PLCG2: variants seen among roughly 807,000 people sequenced by gnomAD.
PLCG2 encodes 1-phosphatidylinositol 4,5-bisphosphate phosphodiesterase gamma-2.
In PLCG2, 69 loss-of-function variants were observed where a neutral mutation model predicts 175.6. The observed-to-expected ratio is 0.39, with a 90% confidence interval of 0.32 to 0.48. PLCG2 has a LOEUF of 0.48. PLCG2 is among the 20% of genes least tolerant of loss of function. The pLI is 0.91. For synonymous variants in PLCG2, 827 were observed against 624.0 expected, an observed-to-expected ratio of 1.33 and a Z score of -4.85; for missense variants, 1,798 against 1,650.9, an observed-to-expected ratio of 1.09 and a Z score of -1.54.
At chr16:81,926,098 G>T (rs1910261465) in intron 22 of PLCG2, among the ~76,000 whole-genome samples, 1 of 151,084 alleles carries the variant, frequency 6.6e-6, no homozygotes, top group Non-Finnish European at 1.5e-5. Context: ...GTGGGGGGAA[G>T]TTGGGTACCA....
chr16:81,929,869 C>T (rs1385605411), intron 24 of PLCG2, among the ~76,000 whole-genome samples: 1 of 152,268 alleles, frequency 6.6e-6, no homozygotes. Context: ...GCATCCACTT[C>T]TGGTGCTCTT....
chr16:81,907,611 C>T (rs1909431475), intron 15 of PLCG2, 74 bp from the exon 16 acceptor site: 2 of 1,045,122 alleles, frequency 1.9e-6, no homozygotes, highest in Non-Finnish European at 3.0e-6. Context: ...GGGTGACGCC[C>T]TGCAGGGCTC....
intron 2 of PLCG2, among the ~76,000 whole-genome samples, chr16:81,769,276 G>C (rs1220993627): frequency 6.6e-6 from 1 of 152,212 alleles, no homozygotes; most frequent in Non-Finnish European, 1.5e-5. Context: ...TGCCCAGACT[G>C]CTTCTACCTC....
At chr16:81,845,515 C>G (rs1328592404) in intron 2 of PLCG2, among the ~76,000 whole-genome samples, 1 of 152,246 alleles carries the variant, frequency 6.6e-6, no homozygotes, top group East Asian at 1.9e-4. Context: ...AGCTGGGGAG[C>G]TGGGACTCCA....
At chr16:81,827,389 A>G (rs959390521) in intron 2 of PLCG2, among the ~76,000 whole-genome samples, 7 of 151,618 alleles carry the variant, frequency 4.6e-5, no homozygotes, top group Non-Finnish European at 1.0e-4. Context: ...GGGTTTTGCC[A>G]TGTTTCCCAG....
At chr16:81,855,618 G>A (rs55835147) in intron 3 of PLCG2, among the ~76,000 whole-genome samples, 212 of 152,338 alleles carry the variant, frequency 1.4e-3, no homozygotes, top group African/African-American at 4.8e-3. Flanking sequence ...CCTTTAAGAA[G>A]CTCTCAGTCG....
At position 81,747,642 on chromosome 16, in the gene PLCG2, A is replaced by G. The variant is rs114229259; in HGVS notation, c.-144-8228A>G. Among the ~76,000 whole-genome samples the G allele has an allele frequency of 6.8e-3, 1,041 of 152,306 alleles. 10 individuals carry two copies. Among genetic ancestry groups the G allele is most frequent in the African/African-American group, 0.024 (1,002 of 41,566 alleles). On this transcript the variant is annotated intron_variant, in intron 1 of 5. Coordinates refer to the PLCG2 transcript ENST00000565054. ...GAGTTACATCAATTGTGATGTATCC[A>G]TATACTGGAATACCATGCAGCCATT...
intron 2 of PLCG2, among the ~76,000 whole-genome samples, chr16:81,810,644 C>T (rs36034802): frequency 0.13 from 2,257 of 17,842 alleles, 57 homozygotes; most frequent in African/African-American, 0.22. Flanking sequence ...CAATTTCTTT[C>T]TTTTTATTTT....
In PLCG2 at chr16:81,841,184, T is replaced by C. The variant is rs188813185; in HGVS notation, c.194-13260T>C. 7.7e-3 allele frequency among the ~76,000 whole-genome samples: 1,165 copies of C among 152,010 alleles called. 13 individuals are homozygous for C. Among genetic ancestry groups the C allele is most frequent in the African/African-American group, 0.027 (1,107 of 41,454 alleles). On this transcript the variant is annotated intron_variant, in intron 2 of 32. Transcript: ENST00000564138. ...AAGATAAGGGCAGGCCCACCCCCTATCTGCAGGCCAAAAAGTAAACTTTAT... is the reference window on the plus strand; with the variant it reads ...AAGATAAGGGCAGGCCCACCCCCTACCTGCAGGCCAAAAAGTAAACTTTAT...
chr16:81,876,593 A>G (rs1907801917), intron 7 of PLCG2, among the ~76,000 whole-genome samples: 1 of 152,144 alleles, frequency 6.6e-6, no homozygotes, highest in African/African-American at 2.4e-5. Flanking sequence ...GTAGCCTTTT[A>G]GCTACCAGAA....
intron 1 of PLCG2, among the ~76,000 whole-genome samples, chr16:81,751,404 A>T (rs995723421): frequency 2.0e-5 from 3 of 152,232 alleles, no homozygotes; most frequent in Admixed American, 1.3e-4. Flanking sequence ...GTTCTCACTT[A>T]TATGTGGAAT....
intron 21 of PLCG2, among the ~76,000 whole-genome samples, chr16:81,922,965 G>A (rs901167733): frequency 2.0e-5 from 3 of 152,180 alleles, no homozygotes; most frequent in Non-Finnish European, 4.4e-5. Flanking sequence ...GGGTCCTGCA[G>A]GAGTGTAGAT....
At chr16:81,806,448 C>T (rs935291893) in intron 2 of PLCG2, among the ~76,000 whole-genome samples, 4 of 152,000 alleles carry the variant, frequency 2.6e-5, no homozygotes, top group Admixed American at 1.3e-4. Flanking sequence ...TGGGCCCGAG[C>T]ATCCAGTGCC....
intron 5 of PLCG2, among the ~76,000 whole-genome samples, chr16:81,865,070 G>A (rs1298449534): frequency 6.6e-6 from 1 of 152,192 alleles, no homozygotes; most frequent in Non-Finnish European, 1.5e-5. Flanking sequence ...AGCTGGAACA[G>A]GCAGCTGGGG....
chr16:81,907,706 G>A lies in PLCG2; in HGVS notation c.1489G>A (p.Ala497Thr). The change falls in exon 16 of 33, where the codon GCC (alanine) becomes ACC (threonine). Residue 497 changes from alanine to threonine, a missense_variant. Transcript: ENST00000564138. ...IDQKWTRHYC[A>T]IADAKLSFSD... ...CTAGAAATGGACTCGGCACTACTGC[G>A]CCATTGCCGATGCCAAGCTGTCCTT... The A allele has an allele frequency of 1.1e-5, 18 of 1,613,708 alleles. No homozygotes were observed. The highest frequency in any genetic ancestry group is 1.4e-5 in the Non-Finnish European group (17 of 1,179,638).
intron 19 of PLCG2, among the ~76,000 whole-genome samples, chr16:81,913,020 T>C (rs139622121): frequency 1.3e-5 from 2 of 152,172 alleles, no homozygotes; most frequent in African/African-American, 4.8e-5. Context: ...CACAGCAAGA[T>C]TAAGTAACTT....
upstream of PLCG2, among the ~76,000 whole-genome samples, chr16:81,776,106 C>CTTTCTTTCTTTCTTTCTTTCTTTCT (rs1910399088): frequency 5.0e-5 from 1 of 20,036 alleles, no homozygotes; most frequent in Non-Finnish European, 1.3e-4. Context: ...TCTTTTTTTC[C>CTTTCTTTCTTTCTTTCTTTCTTTCT]TTCTTTCTTT....
At chr16:81,928,717 G>A (rs1228414952) in intron 24 of PLCG2, 93 bp downstream of exon 24, 5 of 845,874 alleles carry the variant, frequency 5.9e-6, no homozygotes, top group Non-Finnish European at 1.0e-5. Context: ...GGCTGACACA[G>A]GGTCCTGTCT....
chr16:81,875,715 C>T (rs1164570259), intron 7 of PLCG2, among the ~76,000 whole-genome samples: 2 of 152,142 alleles, frequency 1.3e-5, no homozygotes, highest in East Asian at 1.9e-4. Flanking sequence ...TGTGAAGTCC[C>T]CTGTGGTTAC....
Sources: allele counts gnomAD v4.1 joint callset (sites outside exome capture counted in the v4.1 genomes callset), GRCh38; gene constraint gnomAD v4.1.1; transcripts MANE v1.5; gene names NCBI Gene and HGNC (gene_info 2026-07-23, HGNC 2026-07-21).